The following EPHB1 variants were observed in gnomAD, a reference collection of about 807,000 sequenced individuals.
EPHB1 encodes the protein EPH receptor B1.
EPHB1 carries 30 observed loss-of-function variants against 94.4 expected under a neutral mutation model. The observed-to-expected ratio is 0.32, with a 90% confidence interval of 0.24 to 0.43. EPHB1 has a LOEUF of 0.43. EPHB1 is among the 20% of genes least tolerant of loss of function. The probability of loss-of-function intolerance (pLI) is 1.00; values close to 1 mark genes in which losing one functional copy is unlikely to be tolerated. For synonymous variants in EPHB1, 522 were observed against 489.1 expected, an observed-to-expected ratio of 1.07 and a Z score of -0.89; for missense variants, 1,055 against 1,308.3, an observed-to-expected ratio of 0.81 and a Z score of 2.99.
chr3:135,008,992 T>C (rs746094101), intron 3 of EPHB1, among the ~76,000 whole-genome samples: 1 of 152,190 alleles, frequency 6.6e-6, no homozygotes, highest in African/African-American at 2.4e-5. Context: ...CACAGGGGCG[T>C]GGACTTATGG....
intron 9 of EPHB1, among the ~76,000 whole-genome samples, chr3:135,167,554 A>G (rs1157075258): frequency 6.6e-6 from 1 of 152,174 alleles, no homozygotes; most frequent in African/African-American, 2.4e-5. Flanking sequence ...TTATAAACCT[A>G]TATTTATAAT....
chr3:134,824,153 T>C (rs966583656), intron 1 of EPHB1, among the ~76,000 whole-genome samples: 28 of 133,518 alleles, frequency 2.1e-4, no homozygotes, highest in Admixed American at 1.1e-3. Context: ...TTTTTTTTGG[T>C]AATCCTAGCT....
intron 9 of EPHB1, 133 bp from the exon 10 acceptor site, chr3:135,179,727 G>A (rs1021671821): frequency 6.1e-6 from 6 of 981,224 alleles, no homozygotes; most frequent in Non-Finnish European, 9.2e-6. Flanking sequence ...AGGAGGAGAG[G>A]CAGAGAAAAG....
At chr3:135,145,081 G>A (rs1002066899) in intron 5 of EPHB1, among the ~76,000 whole-genome samples, 3 of 152,314 alleles carry the variant, frequency 2.0e-5, no homozygotes, top group South Asian at 2.1e-4. Context: ...AATATTTAAT[G>A]AGTCAGGTCT....
rs1281301665 is a variant in EPHB1 at position 134,951,539 on chromosome 3, A to C, written c.292A>C (p.Ser98Arg). 6.2e-7 allele frequency: 1 copy of C among 1,613,954 alleles called. No individual in the cohort carries two copies. The highest frequency in any genetic ancestry group is 8.5e-7 in the Non-Finnish European group (1 of 1,179,874). ...EMRFTVRDCS[S>R]LPNVPGSCKE... ...GCGCTTCACTGTGAGAGACTGCAGC[A>C]GCCTCCCTAATGTCCCAGGATCCTG... Residue 98 changes from serine to arginine, a missense_variant, in exon 3 of 16, where the codon AGC (serine) becomes CGC (arginine). Transcript: ENST00000398015. This position sits in a 1 kb window ranked among gnomAD's most constrained non-coding sequence, Gnocchi z 4.5.
chr3:134,993,642 G>A (rs1311973013), intron 3 of EPHB1, among the ~76,000 whole-genome samples: 2 of 152,186 alleles, frequency 1.3e-5, no homozygotes, highest in Non-Finnish European at 2.9e-5. Context: ...GGGCTAGGAA[G>A]GAGCTTCCCT....
At chr3:134,937,356 A>C (rs1282845002) in intron 2 of EPHB1, among the ~76,000 whole-genome samples, 1 of 152,190 alleles carries the variant, frequency 6.6e-6, no homozygotes, top group Non-Finnish European at 1.5e-5. Context: ...TCCTCTCTTG[A>C]GGCCAGATGT....
At chr3:135,254,383 G>A (rs1443047566) in intron 15 of EPHB1, among the ~76,000 whole-genome samples, 10 of 82,592 alleles carry the variant, frequency 1.2e-4, no homozygotes, top group Non-Finnish European at 1.8e-4. Context: ...TTTGAAATAC[G>A]TCCCATCAAT....
At chr3:134,925,381 A>G (rs573399743) in intron 1 of EPHB1, among the ~76,000 whole-genome samples, 144 of 152,308 alleles carry the variant, frequency 9.5e-4, no homozygotes, top group African/African-American at 3.2e-3. Context: ...CATAATGGGG[A>G]GGAAGAAGGC....
At chr3:134,978,657 G>A (rs2107732321) in intron 3 of EPHB1, among the ~76,000 whole-genome samples, 1 of 152,328 alleles carries the variant, frequency 6.6e-6, no homozygotes, top group Middle Eastern at 3.4e-3. Context: ...GTCTGTAGTA[G>A]GCCTTGCTTC....
At chr3:134,920,650 T>TA (rs2038665707) in intron 1 of EPHB1, among the ~76,000 whole-genome samples, 1 of 152,230 alleles carries the variant, frequency 6.6e-6, no homozygotes, top group African/African-American at 2.4e-5. Flanking sequence ...GGAGGAGCTG[T>TA]AAAAAGAGGG....
intron 3 of EPHB1, among the ~76,000 whole-genome samples, chr3:135,041,435 C>T (rs1033022210): frequency 6.6e-6 from 1 of 152,154 alleles, no homozygotes; most frequent in African/African-American, 2.4e-5. Context: ...TGGAGTTCCT[C>T]AAATGCAGGT....
At chr3:135,240,409 T>C (rs1340022993) in intron 12 of EPHB1, among the ~76,000 whole-genome samples, 1 of 152,028 alleles carries the variant, frequency 6.6e-6, no homozygotes, top group African/African-American at 2.4e-5. Context: ...AGAGAGCCAA[T>C]TTAGAAACTT....
rs557784031 is a variant in EPHB1 at position 135,258,034 on chromosome 3, C to T, written c.2847-978C>T. On this transcript the variant is annotated intron_variant, in intron 15 of 15. Transcript: ENST00000398015. ...GGAAAGGGAACTCCCTGACCCCTTG[C>T]GCTTCCCAAGTGAGGCAATGCCTCA... is the stretch of plus-strand genomic sequence containing the variant. Among the ~76,000 whole-genome samples, 8 of 152,296 alleles carry T rather than the reference C, an allele frequency of 5.3e-5. No homozygotes were observed. The South Asian group carries it at 1.0e-3, about 20-fold the overall frequency.
At chr3:135,002,724 A>T (rs1315864066) in intron 3 of EPHB1, among the ~76,000 whole-genome samples, 1 of 152,190 alleles carries the variant, frequency 6.6e-6, no homozygotes, top group Non-Finnish European at 1.5e-5. Flanking sequence ...CATTTCTTCT[A>T]GATTTTCTAG....
chr3:134,925,477 A>C lies in EPHB1; in HGVS notation c.59-339A>C, dbSNP rs115272242. Reference sequence around the variant, plus strand: ...GGCCCTGGCAGAATCTCTGGGAAGAATAATCTGGGAAGAAGCTGGGTCTTG... The same window carrying C: ...GGCCCTGGCAGAATCTCTGGGAAGACTAATCTGGGAAGAAGCTGGGTCTTG... On this transcript the variant is annotated intron_variant, in intron 1 of 15. Transcript: ENST00000398015. Among the ~76,000 whole-genome samples the C allele has an allele frequency of 5.7e-3, 868 of 152,346 alleles. 11 individuals carry two copies. Among genetic ancestry groups the C allele is most frequent in the African/African-American group, 0.019 (777 of 41,584 alleles).
rs1054410482 is a variant in EPHB1, at chr3:134,893,582, G to A, written c.59-32234G>A. 2.0e-5 allele frequency among the ~76,000 whole-genome samples: 3 copies of A among 152,244 alleles called. 1 individual carries two copies. The East Asian group carries it at 5.8e-4, about 29-fold the overall frequency. ...GGGTTGCCTCAAGGGCTCTGGACTT[G>A]CCCTTGCCTCTGTCTGACAAGTCCT... is the stretch of plus-strand genomic sequence containing the variant. On this transcript the variant is annotated intron_variant, in intron 1 of 15. Coordinates refer to ENST00000398015, the MANE Select transcript of EPHB1 (RefSeq NM_004441.5).
In EPHB1 at chr3:134,943,492, A is replaced by G. The variant is rs16842304; in HGVS notation, c.124-7879A>G. On this transcript the variant is annotated intron_variant, in intron 2 of 15. Transcript: ENST00000398015. The stretch of plus-strand genomic sequence containing the variant: ...GGGGATATGGATGGTTCTGGAAGAA[A>G]TGGCACATTGTGGTGATGAAGTGGG... 8.1e-3 allele frequency among the ~76,000 whole-genome samples: 1,232 copies of G among 152,296 alleles called. 10 individuals carry two copies. The highest frequency in any genetic ancestry group is 0.028 in the African/African-American group (1,176 of 41,546).
At chr3:135,144,594 G>A (rs148701226) in intron 5 of EPHB1, among the ~76,000 whole-genome samples, 34 of 152,182 alleles carry the variant, frequency 2.2e-4, no homozygotes, top group Non-Finnish European at 4.1e-4. Flanking sequence ...CAGAAGTGAG[G>A]GCCTGTGCTA....
Sources: allele counts gnomAD v4.1 joint callset (sites outside exome capture counted in the v4.1 genomes callset), GRCh38; gene constraint gnomAD v4.1.1; non-coding constraint Gnocchi (gnomAD v3.1); transcripts MANE v1.5; gene names NCBI Gene and HGNC (gene_info 2026-07-23, HGNC 2026-07-21).